FBXL19: variants seen among roughly 807,000 people sequenced by gnomAD.
The protein encoded by FBXL19 is F-box and leucine rich repeat protein 19, also known as F-box/LRR-repeat protein 19.
FBXL19 carries 16 observed loss-of-function variants against 71.2 expected under a neutral mutation model. The observed-to-expected ratio is 0.22, with a 90% CI of 0.15 to 0.34. The LOEUF (loss-of-function observed/expected upper bound fraction) is 0.34, where lower values mean the gene tolerates loss of function less well. Among genes scored for constraint, FBXL19 ranks in the 10% least tolerant of loss-of-function variants. The probability of loss-of-function intolerance (pLI) is 1.00; values close to 1 mark genes in which losing one functional copy is unlikely to be tolerated. For missense variants in FBXL19, 658 were observed against 968.2 expected, an observed-to-expected ratio of 0.68 and a Z score of 4.25; for synonymous variants, 447 against 409.4, an observed-to-expected ratio of 1.09 and a Z score of -1.11.
rs1473284374 is a variant in FBXL19 at position 30,930,780 on chromosome 16, CT to C, written c.1301+197del. Among the ~76,000 whole-genome samples the C allele has an allele frequency of 6.6e-6, 1 of 152,200 alleles. No homozygotes were observed. The highest frequency in any genetic ancestry group is 2.4e-5 in the African/African-American group (1 of 41,452). ...TCCACTTATGGGCTCATTTAACCCC[CT>C]AGACAACTTTGAGGTAGAGGTTATT... is the stretch of plus-strand genomic sequence containing the variant. On this transcript the variant is annotated intron_variant, in intron 7 of 10. Transcript: ENST00000338343. The surrounding 1 kb of genome is among the most constrained non-coding windows in gnomAD (Gnocchi z 8.5).
Position 30,947,324 on chromosome 16 carries a change from C to A in FBXL19, c.*94C>A. On this transcript the variant is annotated 3_prime_UTR_variant, in exon 11 of 11. Transcript: ENST00000338343. Reference sequence around the variant, plus strand: ...GGGAGGCCAGGTTCCCACCTCACCACCCTGGGATTCCTGAGTGTCAGTGAC... The same window carrying A: ...GGGAGGCCAGGTTCCCACCTCACCAACCTGGGATTCCTGAGTGTCAGTGAC... 9.2e-7 allele frequency: 1 copy of A among 1,081,600 alleles called. No individual in the cohort carries two copies. Among genetic ancestry groups the A allele is most frequent in the East Asian group, 2.6e-5 (1 of 38,410 alleles). 67.0% of individuals were successfully genotyped at this position (1,081,600 alleles called of 1,614,324 possible). A position where few individuals can be genotyped will look rare whatever the true frequency, so the allele number is the denominator to read the frequency against.
chr16:30,947,723 G>A lies in FBXL19; in HGVS notation c.*493G>A, dbSNP rs2055877111. On this transcript the variant is annotated 3_prime_UTR_variant, in exon 11 of 11. Transcript: ENST00000338343. ...AAGGAAAACCGGAGGAGCAATTGGG[G>A]ATCCAGGTGTCAGAGGTAGGGGAAC... The A allele has an allele frequency of 1.1e-5, 4 of 358,010 alleles. No homozygotes were observed. The highest frequency in any genetic ancestry group is 6.0e-5 in the South Asian group (3 of 49,898). The allele number at this position is 358,010 out of a possible 1,614,324, so 22.2% of individuals were successfully genotyped here. A position where few individuals can be genotyped will look rare whatever the true frequency, so the allele number is the denominator to read the frequency against.
intron 7 of FBXL19, among the ~76,000 whole-genome samples, chr16:30,938,789 A>C (rs2055766112): frequency 6.6e-6 from 1 of 151,640 alleles, no homozygotes; most frequent in Admixed American, 6.6e-5. Flanking sequence ...GGCGCCTGCC[A>C]CCACGCCCGG....
At position 30,924,449 on chromosome 16, in the gene FBXL19, A is replaced by C; in HGVS notation, c.-35A>C. 1 of 335,094 alleles carries C rather than the reference A, an allele frequency of 3.0e-6. No individual in the cohort carries two copies. The allele number at this position is 335,094 out of a possible 1,614,324, so 20.8% of individuals were successfully genotyped here. A position where few individuals can be genotyped will look rare whatever the true frequency, so the allele number is the denominator to read the frequency against. On this transcript the variant is annotated 5_prime_UTR_variant, in exon 1 of 11. Coordinates refer to ENST00000338343, the MANE Select transcript of FBXL19 (RefSeq NM_001382779.1). ...CGAGAAGGGAGAGATGGCTCCCGGG[A>C]CACGTGTGAGGTGGGTTCATGCGGC...
chr16:30,944,258 G>T (rs1418644580), intron 9 of FBXL19, among the ~76,000 whole-genome samples: 2 of 147,430 alleles, frequency 1.4e-5, no homozygotes, highest in Non-Finnish European at 3.0e-5. Flanking sequence ...TTGTTAAATG[G>T]GTAAACTTGT....
chr16:30,939,718 A>G (rs1173947219), intron 7 of FBXL19, among the ~76,000 whole-genome samples: 1 of 151,788 alleles, frequency 6.6e-6, no homozygotes, highest in African/African-American at 2.4e-5. Context: ...GCGCCCGGCA[A>G]CAATACTGGT....
chr16:30,948,342 G>C lies in FBXL19; in HGVS notation c.*1112G>C, dbSNP rs1021589866. The C allele has an allele frequency of 6.5e-6, 1 of 152,760 alleles. No individual in the cohort carries two copies. Among genetic ancestry groups the C allele is most frequent in the African/African-American group, 2.4e-5 (1 of 41,452 alleles). 9.5% of individuals were successfully genotyped at this position (152,760 alleles called of 1,614,324 possible). ...GGTTGCCATGGAAATAGCAGCCAAC[G>C]GACACCTCCCGATGCCAGTGCTAAG... On this transcript the variant is annotated 3_prime_UTR_variant, in exon 11 of 11. Transcript: ENST00000338343.
intron 5 of FBXL19, among the ~76,000 whole-genome samples, 152 bp downstream of exon 5, chr16:30,928,115 G>T (rs901715069): frequency 8.6e-5 from 13 of 151,446 alleles, no homozygotes; most frequent in African/African-American, 2.9e-4. Flanking sequence ...TGGGTGGGGG[G>T]AGGATAGAGC....
rs1022908389 is a variant in FBXL19, at chr16:30,923,660, G to A, written c.-824G>A. ...TAGCAGCGCGGGGCTGGGGGACCAGGGGGGCTGAGACACCCCAACTGCCCC... is the reference window on the plus strand; with the variant it reads ...TAGCAGCGCGGGGCTGGGGGACCAGAGGGGCTGAGACACCCCAACTGCCCC... On this transcript the variant is annotated 5_prime_UTR_variant, in exon 1 of 11. Coordinates refer to ENST00000338343, the MANE Select transcript of FBXL19 (RefSeq NM_001382779.1). Among the ~76,000 whole-genome samples the A allele has an allele frequency of 1.3e-5, 2 of 151,880 alleles. No individual in the cohort carries two copies. The highest frequency in any genetic ancestry group is 4.8e-5 in the African/African-American group (2 of 41,358).
At chr16:30,941,559 A>C (rs1383242170) in intron 7 of FBXL19, among the ~76,000 whole-genome samples, 1 of 152,136 alleles carries the variant, frequency 6.6e-6, no homozygotes, top group South Asian at 2.1e-4. Flanking sequence ...AATAGGGAAG[A>C]TATTAGGGCT....
chr16:30,931,895 T>A (rs1337520531), intron 7 of FBXL19, among the ~76,000 whole-genome samples: 1 of 143,484 alleles, frequency 7.0e-6, no homozygotes, highest in Non-Finnish European at 1.5e-5. Context: ...CCCGGCTAAT[T>A]TTTTTTTTTT....
Position 30,930,193 on chromosome 16 carries a change from T to A in FBXL19, c.910T>A (p.Ser304Thr), listed in dbSNP as rs756575659. ...GCTGCTGGAACGGGTGCCTGACACC[T>A]CCTCTTCCTCCTCGGACTCAGACTC... ...CQLLERVPDT[S>T]SSSSDSDSDS... Residue 304 changes from serine to threonine, a missense_variant, in exon 7 of 11, where the codon TCC (serine) becomes ACC (threonine). Transcript: ENST00000338343. This position sits in a 1 kb window ranked among gnomAD's most constrained non-coding sequence, Gnocchi z 8.5. 3.7e-6 allele frequency: 6 copies of A among 1,613,104 alleles called. No individual in the cohort carries two copies. The African/African-American group carries it at 8.0e-5, about 22-fold the overall frequency.
intron 9 of FBXL19, among the ~76,000 whole-genome samples, chr16:30,945,631 C>T (rs1265495207): frequency 1.3e-5 from 2 of 149,638 alleles, no homozygotes; most frequent in Non-Finnish European, 3.0e-5. Flanking sequence ...CCACTGTACT[C>T]CATCCTGGGT....
intron 6 of FBXL19, among the ~76,000 whole-genome samples, chr16:30,929,511 T>C (rs1260447557): frequency 1.3e-5 from 2 of 152,180 alleles, no homozygotes; most frequent in African/African-American, 4.8e-5. Flanking sequence ...TCCCTACTGC[T>C]TTTGGAACTG....
At position 30,925,237 on chromosome 16, in the gene FBXL19, G is replaced by C. The variant is rs1280866663; in HGVS notation, c.-24-494G>C. On this transcript the variant is annotated intron_variant, in intron 1 of 10. Coordinates refer to ENST00000338343, the MANE Select transcript of FBXL19 (RefSeq NM_001382779.1). The surrounding 1 kb of genome is among the most constrained non-coding windows in gnomAD (Gnocchi z 5.0). ...TGTGGATGAAAAGGTTGGTGGGGCGGGGGGGAGGAAAAGTCCGGAGCTTCC... is the reference window on the plus strand; with the variant it reads ...TGTGGATGAAAAGGTTGGTGGGGCGCGGGGGAGGAAAAGTCCGGAGCTTCC... Among the ~76,000 whole-genome samples the C allele has an allele frequency of 6.6e-6, 1 of 152,050 alleles. No homozygotes were observed. The highest frequency in any genetic ancestry group is 1.5e-5 in the Non-Finnish European group (1 of 67,998).
chr16:30,939,166 G>C (rs546577449), intron 7 of FBXL19, among the ~76,000 whole-genome samples: 3 of 151,486 alleles, frequency 2.0e-5, no homozygotes, highest in African/African-American at 7.3e-5. Flanking sequence ...CCGCCTCCCA[G>C]GTTCATGCCA....
At chr16:30,937,439 C>T (rs1330854613) in intron 7 of FBXL19, among the ~76,000 whole-genome samples, 1 of 152,094 alleles carries the variant, frequency 6.6e-6, no homozygotes, top group Non-Finnish European at 1.5e-5. Context: ...TCAGTTACTG[C>T]GGACTGTCCA....
At chr16:30,933,902 G>A (rs142711568) in intron 7 of FBXL19, among the ~76,000 whole-genome samples, 3,130 of 151,986 alleles carry the variant, frequency 0.021, 50 homozygotes, top group Non-Finnish European at 0.033. Flanking sequence ...ACAGACATGC[G>A]CCACTATGCC....
At chr16:30,939,886 T>C (rs1431661327) in intron 7 of FBXL19, among the ~76,000 whole-genome samples, 1 of 151,772 alleles carries the variant, frequency 6.6e-6, no homozygotes, top group Non-Finnish European at 1.5e-5. Flanking sequence ...AGAGAAAGCT[T>C]CCCTTGGGAG....
Sources: gnomAD v4.1 joint callset for allele counts (sites outside exome capture counted in the v4.1 genomes callset) on GRCh38, gnomAD v4.1.1 for gene constraint, Gnocchi (gnomAD v3.1) non-coding constraint, MANE v1.5 for transcripts, NCBI Gene and HGNC (gene_info 2026-07-23, HGNC 2026-07-21) for gene names.